COL27A1: variants seen among roughly 807,000 people sequenced by gnomAD.
The protein encoded by COL27A1 is collagen type XXVII alpha 1 chain.
COL27A1 carries 106 observed loss-of-function variants against 251.3 expected under a neutral mutation model. That is an observed-to-expected ratio of 0.42 (90% CI 0.36 to 0.50). The LOEUF (loss-of-function observed/expected upper bound fraction) is 0.50. Among genes scored for constraint, COL27A1 ranks in the 20% least tolerant of loss-of-function variants. The pLI, the probability that COL27A1 is intolerant of heterozygous loss-of-function variation, is 0.00. For missense variants in COL27A1, 2,325 were observed against 2,522.8 expected (o/e 0.92, Z 1.68); for synonymous variants, 1,000 against 986.3 (o/e 1.01, Z -0.26).
intron 22 of COL27A1, among the ~76,000 whole-genome samples, chr9:114,243,049 A>G (rs1029967481): frequency 2.7e-4 from 41 of 152,216 alleles, no homozygotes; most frequent in Non-Finnish European, 3.4e-4. Flanking sequence ...CTTAACATTC[A>G]CCAGAGTGAG....
At chr9:114,256,797 G>T (rs1833950433) in intron 27 of COL27A1, among the ~76,000 whole-genome samples, 1 of 152,202 alleles carries the variant, frequency 6.6e-6, no homozygotes, top group African/African-American at 2.4e-5. Context: ...GGCCAAACTG[G>T]CATGTGAGCC....
intron 10 of COL27A1, among the ~76,000 whole-genome samples, 164 bp downstream of exon 10, chr9:114,206,460 G>C (rs990980103): frequency 6.6e-6 from 1 of 152,208 alleles, no homozygotes; most frequent in Non-Finnish European, 1.5e-5. Context: ...GGTGATGGGA[G>C]ACCCTTGAGC....
intron 12 of COL27A1, 75 bp from the exon 13 acceptor site, chr9:114,219,716 G>T: frequency 9.7e-7 from 1 of 1,030,326 alleles, no homozygotes; most frequent in Non-Finnish European, 1.5e-6. Flanking sequence ...GTCCCCCCTG[G>T]GGGTCTGGAT....
At chr9:114,154,417 G>C (rs966563288), upstream of COL27A1, among the ~76,000 whole-genome samples, 2 of 152,014 alleles carry the variant, frequency 1.3e-5, no homozygotes, top group African/African-American at 4.8e-5. This position sits in a 1 kb window ranked among gnomAD's most constrained non-coding sequence, Gnocchi z 5.8. Flanking sequence ...TTATATGCCT[G>C]TGTGTGCGCG....
At chr9:114,227,611 T>A (rs1188857158) in intron 14 of COL27A1, among the ~76,000 whole-genome samples, 1 of 151,952 alleles carries the variant, frequency 6.6e-6, no homozygotes, top group African/African-American at 2.4e-5. Flanking sequence ...GACATTTAGC[T>A]ATTGCTAAGG....
chr9:114,207,328 A>G (rs893540527), intron 10 of COL27A1, among the ~76,000 whole-genome samples: 3 of 152,090 alleles, frequency 2.0e-5, no homozygotes, highest in Admixed American at 6.5e-5. Context: ...TGCATTCCCC[A>G]GGAGGTTACT....
chr9:114,230,723 G>C (rs374247577), intron 14 of COL27A1, among the ~76,000 whole-genome samples: 1 of 152,106 alleles, frequency 6.6e-6, no homozygotes, highest in Non-Finnish European at 1.5e-5. Flanking sequence ...CAGCAGCTCC[G>C]GGGGGACAGA....
At chr9:114,307,132 C>T (rs1264585044) in intron 58 of COL27A1, 1 of 187,968 alleles carries the variant, frequency 5.3e-6, no homozygotes, top group Non-Finnish European at 1.1e-5. Flanking sequence ...GCCACGGCCC[C>T]ATCCCGAGCT....
intron 1 of COL27A1, among the ~76,000 whole-genome samples, chr9:114,158,269 C>T (rs1848257972): frequency 6.6e-6 from 1 of 152,172 alleles, no homozygotes; most frequent in Non-Finnish European, 1.5e-5. Flanking sequence ...CAGCTCAGAG[C>T]CCTCAGTGAC....
At chr9:114,296,850 A>G (rs1448450658) in intron 49 of COL27A1, among the ~76,000 whole-genome samples, 2 of 152,254 alleles carry the variant, frequency 1.3e-5, no homozygotes, top group East Asian at 3.8e-4. Flanking sequence ...ATATTTTGCA[A>G]TGAAATACAA....
intron 38 of COL27A1, 50 bp from the exon 39 acceptor site, chr9:114,282,407 C>A: frequency 6.2e-7 from 1 of 1,607,494 alleles, no homozygotes; most frequent in Non-Finnish European, 8.5e-7. Flanking sequence ...CCTCCCTGGA[C>A]CCTCCGTCCT....
chr9:114,209,681 A>T lies in COL27A1; in HGVS notation c.2275A>T (p.Ile759Phe). 1 of 1,614,094 alleles carries T rather than the reference A, an allele frequency of 6.2e-7. No homozygotes were observed. ...DPGPKGSRGY[I>F]GLPGLFGLPG... ...CCTTTCTTCTCTTTCCTAGGGCTAC[A>T]TTGGGCTCCCAGGGCTCTTCGGCCT... The change falls in exon 11 of 61, where the codon ATT becomes TTT. Residue 759 changes from isoleucine to phenylalanine, a missense_variant. Transcript: ENST00000356083.
rs1318568906 is a variant in COL27A1, at chr9:114,309,453, C to T, written c.5411C>T (p.Pro1804Leu). The T allele has an allele frequency of 1.2e-6, 2 of 1,613,806 alleles. No homozygotes were observed. Among genetic ancestry groups the T allele is most frequent in the Admixed American group, 3.3e-5 (2 of 60,010 alleles). The change falls in exon 60 of 61, where the codon CCC (proline) becomes CTC (leucine). Residue 1804 changes from proline to leucine, a missense_variant. Pro to Leu is a moderately conservative substitution (Grantham distance 98). Transcript: ENST00000356083. ...TTTGAAGCTGGGGGTCAGTTCCGGCCCGAGGTGTCCATGGATGGCTGCAAG... is the reference window on the plus strand; with the variant it reads ...TTTGAAGCTGGGGGTCAGTTCCGGCTCGAGGTGTCCATGGATGGCTGCAAG... Reference protein sequence around the residue: ...QIFEAGGQFRPEVSMDGCKVQ... With the variant: ...QIFEAGGQFRLEVSMDGCKVQ...
Position 114,290,267 on chromosome 9 carries a change from A to G in COL27A1, c.4304A>G (p.Gln1435Arg), listed in dbSNP as rs1738678525. ...GGGCCCCGGGGCGTGGTGGGGAGACAGGGCCTCGAGGGCATCGCTGGACCA... is the reference window on the plus strand; with the variant it reads ...GGGCCCCGGGGCGTGGTGGGGAGACGGGGCCTCGAGGGCATCGCTGGACCA... ...LPGPRGVVGRQGLEGIAGPDG... is the reference protein window; with the variant it reads ...LPGPRGVVGRRGLEGIAGPDG... Residue 1435 changes from glutamine (Q) to arginine (R), a missense_variant, in exon 47 of 61, where the codon CAG (glutamine) becomes CGG (arginine). Around this residue, in one of 4 missense-constraint regions of COL27A1, gnomAD observed 153 missense variants for 140.7 expected, o/e 1.09. Coordinates refer to ENST00000356083, the MANE Select transcript of COL27A1 (RefSeq NM_032888.4). This position sits in a 1 kb window ranked among gnomAD's most constrained non-coding sequence, Gnocchi z 4.6. 3.8e-6 allele frequency: 6 copies of G among 1,578,104 alleles called. No homozygotes were observed. The highest frequency in any genetic ancestry group is 4.3e-6 in the Non-Finnish European group (5 of 1,162,026).
At chr9:114,198,445 A>C (rs1451025595) in intron 7 of COL27A1, among the ~76,000 whole-genome samples, 1 of 152,220 alleles carries the variant, frequency 6.6e-6, no homozygotes, top group Admixed American at 6.5e-5. Context: ...CTCAAGCCCC[A>C]TCGTGGTGAT....
chr9:114,282,762 C>T (rs1253908152), intron 39 of COL27A1, among the ~76,000 whole-genome samples, 198 bp downstream of exon 39: 5 of 152,196 alleles, frequency 3.3e-5, no homozygotes, highest in African/African-American at 4.8e-5. Context: ...GCCCCGCCTC[C>T]GGAACAGTAT....
intron 5 of COL27A1, among the ~76,000 whole-genome samples, chr9:114,186,401 G>T (rs537734442): frequency 2.0e-5 from 3 of 152,372 alleles, no homozygotes; most frequent in African/African-American, 7.2e-5. Context: ...GGCAGGCATG[G>T]TCCCTGCCCT....
At chr9:114,171,100 C>A (rs1451170212) in intron 3 of COL27A1, among the ~76,000 whole-genome samples, 3 of 152,144 alleles carry the variant, frequency 2.0e-5, no homozygotes, top group African/African-American at 7.2e-5. Context: ...TTTCCTGGGG[C>A]TTGGGGCTCT....
chr9:114,238,043 C>T (rs1255268904), intron 19 of COL27A1, among the ~76,000 whole-genome samples: 4 of 152,234 alleles, frequency 2.6e-5, no homozygotes, highest in South Asian at 4.1e-4. Flanking sequence ...ACATTCTCCA[C>T]TCAGAGTTCC....
Sources: gnomAD v4.1 joint callset for allele counts (sites outside exome capture counted in the v4.1 genomes callset) on GRCh38, gnomAD v4.1.1 for gene constraint, gnomAD v4.1.1 regional missense constraint, Gnocchi (gnomAD v3.1) non-coding constraint, MANE v1.5 for transcripts, NCBI Gene and HGNC (gene_info 2026-07-23, HGNC 2026-07-21) for gene names.